The following ECHDC3 variants were observed in gnomAD, a reference collection of about 807,000 sequenced individuals.
The protein encoded by ECHDC3 is enoyl-CoA hydratase domain containing 3.
Under a neutral mutation model 17.9 loss-of-function variants are expected in ECHDC3, and 20 were observed. The observed-to-expected ratio is 1.12, with a 90% confidence interval of 0.79 to 1.63. The LOEUF is 1.63. Ranked by LOEUF, ECHDC3 falls within the 40% of genes most tolerant of loss-of-function variation. The pLI, the probability that ECHDC3 is intolerant of heterozygous loss-of-function variation, is 0.00. For missense variants in ECHDC3, 407 were observed against 357.7 expected (o/e 1.14, Z -1.11); for synonymous variants, 177 against 149.7 (o/e 1.18, Z -1.33).
At chr10:11,755,867 C>CTG in intron 4 of ECHDC3, 2 of 416,648 alleles carry the variant, frequency 4.8e-6, no homozygotes, top group South Asian at 3.8e-5. Context: ...CATGCGTACC[C>CTG]TCAGTACCAC....
intron 4 of ECHDC3, among the ~76,000 whole-genome samples, chr10:11,757,294 A>G (rs555158870): frequency 5.3e-5 from 8 of 152,236 alleles, no homozygotes; most frequent in Non-Finnish European, 1.2e-4. Context: ...ATCAAGGCTT[A>G]TTAAATTTGA....
chr10:11,751,106 G>A (rs1321261569), intron 3 of ECHDC3, among the ~76,000 whole-genome samples: 1 of 152,132 alleles, frequency 6.6e-6, no homozygotes, highest in Admixed American at 6.6e-5. Flanking sequence ...TGCTTTAAAA[G>A]TTTTTTTCTA....
intron 4 of ECHDC3, among the ~76,000 whole-genome samples, chr10:11,760,562 C>T (rs181942716): frequency 2.0e-5 from 3 of 152,214 alleles, no homozygotes; most frequent in South Asian, 4.1e-4. Flanking sequence ...ACAAAGGGAT[C>T]GATAAGGTTG....
intron 4 of ECHDC3, among the ~76,000 whole-genome samples, chr10:11,755,993 G>C (rs928623787): frequency 8.5e-5 from 13 of 152,244 alleles, no homozygotes; most frequent in African/African-American, 3.1e-4. Context: ...CCATGAGATA[G>C]AATAGCGTAC....
chr10:11,760,659 A>G (rs1423078854), intron 4 of ECHDC3, among the ~76,000 whole-genome samples: 1 of 152,176 alleles, frequency 6.6e-6, no homozygotes, highest in Non-Finnish European at 1.5e-5. Context: ...TGAGTTCCCC[A>G]AGAGCCGCCT....
intron 3 of ECHDC3, among the ~76,000 whole-genome samples, chr10:11,754,244 A>G (rs1210515053): frequency 6.6e-6 from 1 of 152,184 alleles, no homozygotes; most frequent in East Asian, 1.9e-4. Context: ...TAAGCTTCTT[A>G]GACAAAATCT....
At position 11,749,493 on chromosome 10, in the gene ECHDC3, A is replaced by G. The variant is rs1832799685; in HGVS notation, c.293-2A>G. ...TCTTTTCTCAATTGGAAACATTTGC[A>G]GCTGAGGGGCCTGTGTTTTCTTCTG... On this transcript the variant is annotated splice_acceptor_variant, in intron 2 of 4. Transcript: ENST00000379215. LOFTEE classifies it high-confidence loss of function. 3 of 1,613,812 alleles carry G rather than the reference A, an allele frequency of 1.9e-6. No individual in the cohort carries two copies. Among genetic ancestry groups the G allele is most frequent in the Non-Finnish European group, 2.5e-6 (3 of 1,180,014 alleles).
intron 1 of ECHDC3, 109 bp downstream of exon 1, chr10:11,742,855 G>A (rs1832712096): frequency 1.7e-6 from 2 of 1,154,834 alleles, no homozygotes; most frequent in African/African-American, 3.2e-5. Flanking sequence ...TACGCCCCTG[G>A]GGAGGGAACT....
chr10:11,746,421 G>T (rs1326592167), intron 1 of ECHDC3, among the ~76,000 whole-genome samples: 2 of 151,390 alleles, frequency 1.3e-5, no homozygotes, highest in Non-Finnish European at 2.9e-5. Flanking sequence ...ACAACAGGGT[G>T]ACTATAGTCA....
chr10:11,762,921 G>A (rs1832970393), intron 4 of ECHDC3, among the ~76,000 whole-genome samples: 1 of 151,984 alleles, frequency 6.6e-6, no homozygotes, highest in Non-Finnish European at 1.5e-5. Context: ...TGATGTGGCT[G>A]CCGTCCTGTG....
intron 3 of ECHDC3, 86 bp downstream of exon 3, chr10:11,749,678 A>AT: frequency 4.7e-6 from 6 of 1,268,174 alleles, no homozygotes; most frequent in Non-Finnish European, 5.5e-6. Flanking sequence ...TACAGATAAG[A>AT]TTTTATCCAT....
chr10:11,760,941 C>A (rs919989167), intron 4 of ECHDC3, among the ~76,000 whole-genome samples: 1 of 152,238 alleles, frequency 6.6e-6, no homozygotes, highest in African/African-American at 2.4e-5. Flanking sequence ...CCCTGGAACC[C>A]CCATAGCTGT....
intron 4 of ECHDC3, among the ~76,000 whole-genome samples, chr10:11,760,979 T>C (rs767760859): frequency 2.0e-5 from 3 of 152,176 alleles, no homozygotes; most frequent in African/African-American, 7.2e-5. Flanking sequence ...CAACGTAAAA[T>C]CGGTACAGTT....
intron 4 of ECHDC3, among the ~76,000 whole-genome samples, chr10:11,756,980 C>A (rs1450860067): frequency 6.6e-6 from 1 of 152,206 alleles, no homozygotes; most frequent in Non-Finnish European, 1.5e-5. Context: ...AGTAGTCCGT[C>A]CCCCTCGGCC....
At chr10:11,751,667 A>G (rs540222566) in intron 3 of ECHDC3, among the ~76,000 whole-genome samples, 4 of 152,242 alleles carry the variant, frequency 2.6e-5, no homozygotes, top group Non-Finnish European at 5.9e-5. Flanking sequence ...ACAAACCAGG[A>G]GTAGGGCAAA....
chr10:11,763,310 G>C lies in ECHDC3; in HGVS notation c.678G>C (p.Glu226Asp). The C allele has an allele frequency of 2.6e-6, 2 of 780,430 alleles. No individual in the cohort carries two copies. The highest frequency in any genetic ancestry group is 4.8e-6 in the Non-Finnish European group (2 of 418,148). 48.3% of individuals were successfully genotyped at this position (780,430 alleles called of 1,614,324 possible). ...GGCTGCTTAGCAAGGTGGTGCCAGA[G>C]GCGGAGCTGCAGGAGGAGACCATGC... is the stretch of plus-strand genomic sequence containing the variant. ...LHGLLSKVVP[E>D]AELQEETMRI... Residue 226 changes from glutamate (E) to aspartate (D), a missense_variant, in exon 5 of 5, where the codon GAG (glutamate) becomes GAC (aspartate). Glu to Asp is a conservative substitution (Grantham distance 45). Transcript: ENST00000379215. The surrounding 1 kb of genome is among the most constrained non-coding windows in gnomAD (Gnocchi z 4.9).
Position 11,759,386 on chromosome 10 carries a change from C to T in ECHDC3, c.591+3778C>T, listed in dbSNP as rs762629334. On this transcript the variant is annotated intron_variant, in intron 4 of 4. Coordinates refer to ENST00000379215, the MANE Select transcript of ECHDC3 (RefSeq NM_024693.5). The stretch of plus-strand genomic sequence containing the variant: ...AAAAAAAAAACAAAAAAAAAAAACA[C>T]GCAGTCCCAGAGAGCTGCCTTACCC... 2.1e-5 allele frequency among the ~76,000 whole-genome samples: 3 copies of T among 145,276 alleles called. 1 individual carries two copies. The South Asian group carries it at 6.7e-4, about 32-fold the overall frequency.
chr10:11,750,974 C>G (rs1018935751), intron 3 of ECHDC3, among the ~76,000 whole-genome samples: 4 of 152,136 alleles, frequency 2.6e-5, no homozygotes, highest in African/African-American at 7.2e-5. Flanking sequence ...TAAACAGGAA[C>G]AGCAATTTAC....
intron 4 of ECHDC3, among the ~76,000 whole-genome samples, chr10:11,756,252 T>G (rs1832885865): frequency 6.6e-6 from 1 of 152,242 alleles, no homozygotes; most frequent in Non-Finnish European, 1.5e-5. Context: ...GCTTTCTTCC[T>G]TCCTATAACA....
Sources: gnomAD v4.1 joint callset for allele counts (sites outside exome capture counted in the v4.1 genomes callset) on GRCh38, gnomAD v4.1.1 for gene constraint, Gnocchi (gnomAD v3.1) non-coding constraint, MANE v1.5 for transcripts, NCBI Gene and HGNC (gene_info 2026-07-23, HGNC 2026-07-21) for gene names.